FHIT: variants seen among roughly 807,000 people sequenced by gnomAD.
The protein encoded by FHIT is fragile histidine triad diadenosine triphosphatase, also known as bis(5'-adenosyl)-triphosphatase.
Under a neutral mutation model 17.9 loss-of-function variants are expected in FHIT, and 19 were observed. That is an observed-to-expected ratio of 1.06 (90% CI 0.74 to 1.56). The LOEUF (loss-of-function observed/expected upper bound fraction) is 1.56. Among genes scored for constraint, FHIT ranks in the 40% most tolerant of loss-of-function variants. FHIT has a pLI of 0.00. For synonymous variants in FHIT, 81 were observed against 69.7 expected (o/e 1.16, Z -0.81); for missense variants, 248 against 189.2 (o/e 1.31, Z -1.82).
At chr3:60,450,923 T>C (rs1235498169) in intron 5 of FHIT, among the ~76,000 whole-genome samples, 2 of 152,196 alleles carry the variant, frequency 1.3e-5, no homozygotes, top group African/African-American at 4.8e-5. Flanking sequence ...TTTTCTCATA[T>C]GGGCTATTTA....
intron 5 of FHIT, among the ~76,000 whole-genome samples, chr3:60,111,141 T>C (rs1012703760): frequency 3.9e-5 from 6 of 152,170 alleles, no homozygotes; most frequent in East Asian, 1.9e-4. Context: ...AAAAAGTATA[T>C]GTTGTTTCTC....
intron 5 of FHIT, among the ~76,000 whole-genome samples, chr3:60,525,864 T>C (rs1184403293): frequency 6.6e-6 from 1 of 152,024 alleles, no homozygotes; most frequent in Non-Finnish European, 1.5e-5. Flanking sequence ...TCCAGCACTT[T>C]GGGAGGCTGA....
chr3:61,043,524 C>A (rs1412294467), intron 2 of FHIT, among the ~76,000 whole-genome samples: 1 of 152,234 alleles, frequency 6.6e-6, no homozygotes, highest in East Asian at 1.9e-4. Context: ...GCCTGCCTGC[C>A]TGCCTCTGTA....
At chr3:60,734,042 G>A (rs1413012406) in intron 4 of FHIT, among the ~76,000 whole-genome samples, 1 of 152,186 alleles carries the variant, frequency 6.6e-6, no homozygotes, top group Admixed American at 6.5e-5. Context: ...CTGTTGGTCT[G>A]AAGTATCAAA....
At chr3:60,740,393 A>G (rs563245782) in intron 4 of FHIT, among the ~76,000 whole-genome samples, 3 of 152,306 alleles carry the variant, frequency 2.0e-5, no homozygotes, top group Non-Finnish European at 4.4e-5. Flanking sequence ...TACCTACCTC[A>G]CGGATTTGTT....
intron 5 of FHIT, among the ~76,000 whole-genome samples, chr3:60,393,845 C>T (rs1204828106): frequency 6.6e-6 from 1 of 152,150 alleles, no homozygotes; most frequent in East Asian, 1.9e-4. Flanking sequence ...CTTGGATTCT[C>T]TTCACTCCAG....
rs548230355 is a variant in FHIT at position 59,925,175 on chromosome 3, C to T, written c.280-2761G>A. ...TTGGAGTACAGTGATACAATCATAG[C>T]TCACTGCAGCCTTCAACTCCCAGGC... On this transcript the variant is annotated intron_variant, in intron 7 of 9. Coordinates refer to ENST00000492590, the MANE Select transcript of FHIT (RefSeq NM_002012.4). 2.0e-5 allele frequency among the ~76,000 whole-genome samples: 3 copies of T among 152,138 alleles called. 1 individual carries two copies. The South Asian group carries it at 6.2e-4, about 32-fold the overall frequency.
intron 5 of FHIT, among the ~76,000 whole-genome samples, chr3:60,331,046 C>G (rs531420465): frequency 5.3e-5 from 8 of 152,328 alleles, no homozygotes; most frequent in African/African-American, 1.9e-4. Context: ...CCAGAATCCC[C>G]TGCATATCTT....
intron 4 of FHIT, among the ~76,000 whole-genome samples, chr3:60,755,958 C>A (rs1296453869): frequency 1.3e-5 from 2 of 152,212 alleles, no homozygotes; most frequent in African/African-American, 4.8e-5. Context: ...TAAACATACA[C>A]CACCCTTACA....
intron 4 of FHIT, among the ~76,000 whole-genome samples, chr3:60,676,931 G>A (rs568664543): frequency 2.0e-5 from 3 of 152,224 alleles, no homozygotes; most frequent in East Asian, 1.9e-4. Flanking sequence ...CTGGAATGCC[G>A]TGGCGCCATC....
chr3:60,247,716 T>C (rs1260117995), intron 5 of FHIT, among the ~76,000 whole-genome samples: 1 of 152,138 alleles, frequency 6.6e-6, no homozygotes, highest in African/African-American at 2.4e-5. Flanking sequence ...TGCCACAGCT[T>C]GCCACTTGCT....
chr3:60,399,431 T>C (rs554694371), intron 5 of FHIT, among the ~76,000 whole-genome samples: 1 of 152,280 alleles, frequency 6.6e-6, no homozygotes, highest in South Asian at 2.1e-4. Flanking sequence ...CTGTCTCCCA[T>C]AATGACTGCC....
intron 4 of FHIT, among the ~76,000 whole-genome samples, chr3:60,672,874 C>CGTGCGTGTGTGTGT (rs1553694318): frequency 7.2e-6 from 1 of 139,478 alleles, no homozygotes; most frequent in Admixed American, 7.2e-5. Context: ...CTCTTTGTAG[C>CGTGCGTGTGTGTGT]GTGTGTGTGT....
chr3:60,659,049 GTT>G (rs146709309), intron 4 of FHIT, among the ~76,000 whole-genome samples: 34,249 of 150,572 alleles, frequency 0.23, 4,582 homozygotes, highest in East Asian at 0.66. Flanking sequence ...TTGGTTGGCA[GTT>G]TTTTTTGTTT....
chr3:60,888,431 G>A (rs1273732828), intron 3 of FHIT, among the ~76,000 whole-genome samples: 1 of 151,986 alleles, frequency 6.6e-6, no homozygotes, highest in Non-Finnish European at 1.5e-5. Context: ...TTCTTCTGGG[G>A]TCAGTGTCAG....
chr3:60,182,945 A>T (rs977057723), intron 5 of FHIT, among the ~76,000 whole-genome samples: 2 of 152,162 alleles, frequency 1.3e-5, no homozygotes, highest in Admixed American at 1.3e-4. Context: ...AGAAAAAACA[A>T]TGGAGGGTTC....
intron 5 of FHIT, among the ~76,000 whole-genome samples, chr3:60,242,523 T>C (rs1705183550): frequency 1.3e-5 from 2 of 152,162 alleles, no homozygotes; most frequent in South Asian, 4.1e-4. Context: ...TATTGCCTTC[T>C]TCACTACTAT....
intron 5 of FHIT, among the ~76,000 whole-genome samples, chr3:60,473,784 G>C (rs1355943901): frequency 2.6e-5 from 4 of 152,006 alleles, no homozygotes; most frequent in Non-Finnish European, 5.9e-5. Flanking sequence ...AGCCAGGCGT[G>C]GCAGCATGCA....
intron 3 of FHIT, among the ~76,000 whole-genome samples, chr3:60,956,828 A>AT (rs1709190347): frequency 6.6e-6 from 1 of 152,176 alleles, no homozygotes. Flanking sequence ...AAATTTCTTG[A>AT]TTTTTAAAAT....
Sources: gnomAD v4.1 joint callset for allele counts (sites outside exome capture counted in the v4.1 genomes callset) on GRCh38, gnomAD v4.1.1 for gene constraint, MANE v1.5 for transcripts, NCBI Gene and HGNC (gene_info 2026-07-23, HGNC 2026-07-21) for gene names.